Variants in NAGPA observed in about 807,000 individuals in gnomAD.
The protein encoded by NAGPA is alpha-N-acetylglucosaminyl phosphodiesterase.
NAGPA carries 56 observed loss-of-function variants against 48.5 expected under a neutral mutation model. That is an observed-to-expected ratio of 1.15 (90% CI 0.93 to 1.44). NAGPA has a LOEUF of 1.44. Among genes scored for constraint, NAGPA ranks in the 40% most tolerant of loss-of-function variants. The pLI, the probability that NAGPA is intolerant of heterozygous loss-of-function variation, is 0.00. For missense variants in NAGPA, 888 were observed against 735.0 expected (o/e 1.21, Z -2.41); for synonymous variants, 399 against 315.5 (o/e 1.26, Z -2.81).
Position 5,033,401 on chromosome 16 carries a change from G to A in NAGPA, c.414C>T (p.Gly138=), listed in dbSNP as rs778812818. The A allele has an allele frequency of 1.1e-5, 17 of 1,596,836 alleles. No individual in the cohort carries two copies. In the East Asian group the frequency reaches 3.6e-4, roughly 34 times the overall value. ...CGCCCGAGTTCATGCGGAAGAAGCC[G>A]CCGTTCTGGGCGACACGGCAGTCGG... ...RAADCRVAQN[G]GFFRMNSGEC... Residue 138 remains glycine, a synonymous_variant, in exon 2 of 10, where the codon GGC becomes GGT. Transcript: ENST00000312251. This position sits in a 1 kb window ranked among gnomAD's most constrained non-coding sequence, Gnocchi z 4.2.
chr16:5,028,349 C>T, intron 5 of NAGPA, 164 bp from the exon 6 acceptor site: 2 of 1,358,884 alleles, frequency 1.5e-6, no homozygotes, highest in South Asian at 2.5e-5. Context: ...ATCCTTCCAC[C>T]CGAGCCTCCT....
chr16:5,030,657 G>A, intron 3 of NAGPA, 164 bp from the exon 4 acceptor site: 6 of 685,154 alleles, frequency 8.8e-6, no homozygotes, highest in South Asian at 7.9e-5. Context: ...AGTCTCCCCA[G>A]GGCAGCCGGG....
At chr16:5,032,669 ACT>A (rs139270473) in intron 2 of NAGPA, among the ~76,000 whole-genome samples, 2,869 of 149,140 alleles carry the variant, frequency 0.019, 86 homozygotes, top group African/African-American at 0.067. Flanking sequence ...ACAGAGCAAG[ACT>A]CTGTCTCAAA....
At chr16:5,031,335 G>T (rs1956093269) in intron 3 of NAGPA, 2 of 277,426 alleles carry the variant, frequency 7.2e-6, no homozygotes, top group South Asian at 7.6e-5. Flanking sequence ...CACCATGGAG[G>T]CCCGTTAAAA....
intron 2 of NAGPA, among the ~76,000 whole-genome samples, chr16:5,032,267 C>A (rs988873504): frequency 6.6e-6 from 1 of 152,212 alleles, no homozygotes; most frequent in East Asian, 1.9e-4. Context: ...CTCTCTCCCA[C>A]CTGGTCCCAC....
Position 5,025,599 on chromosome 16 carries a change from G to A in NAGPA, c.1427C>T (p.Ala476Val). The A allele has an allele frequency of 1.2e-6, 2 of 1,613,962 alleles. No homozygotes were observed. The highest frequency in any genetic ancestry group is 8.5e-7 in the Non-Finnish European group (1 of 1,180,034). ...AANLSLLLSR[A>V]ERNRRLHGDY... Reference sequence around the variant, plus strand: ...CCCATGCAGGCGCCGGTTCCTCTCTGCTCTGGACAGGAGCAAGGACAGGTT... The same window carrying A: ...CCCATGCAGGCGCCGGTTCCTCTCTACTCTGGACAGGAGCAAGGACAGGTT... The change falls in exon 10 of 10, where the codon GCA (alanine) becomes GTA (valine). Residue 476 changes from alanine (A) to valine (V), a missense_variant. Physicochemically the swap from Ala to Val is moderately conservative, Grantham distance 64. Transcript: ENST00000312251.
At position 5,028,092 on chromosome 16, in the gene NAGPA, C is replaced by A; in HGVS notation, c.1014G>T (p.Gly338=). 2.5e-6 allele frequency: 4 copies of A among 1,613,046 alleles called. No homozygotes were observed. In the South Asian group the frequency reaches 4.4e-5, roughly 18 times the overall value. ...RCQPPDCHGH[G]TCVDGHCQCT... ...ATTGGCAGTGCCCGTCCACGCAGGT[C>A]CCGTGGCCGTGGCAGTCAGGCGGCT... The change falls in exon 6 of 10, where the codon GGG becomes GGT. Residue 338 remains glycine (G), a synonymous_variant. Transcript: ENST00000312251.
chr16:5,030,702 G>C, intron 3 of NAGPA: 1 of 622,886 alleles, frequency 1.6e-6, no homozygotes, highest in Non-Finnish European at 2.9e-6. Flanking sequence ...AGCTATGCCA[G>C]CCTCCAGGTG....
intron 5 of NAGPA, chr16:5,028,662 G>C: frequency 1.4e-6 from 1 of 693,536 alleles, no homozygotes; most frequent in Non-Finnish European, 2.5e-6. Context: ...TCAGATCTCA[G>C]TTCTTATTCT....
At chr16:5,028,393 GC>G (rs1567139355) in intron 5 of NAGPA, 1 of 978,052 alleles carries the variant, frequency 1.0e-6, no homozygotes, top group Non-Finnish European at 1.6e-6. Context: ...GCACCATCAC[GC>G]CTGCCTAATT....
chr16:5,029,617 G>C (rs1326588190), intron 4 of NAGPA: 1 of 163,880 alleles, frequency 6.1e-6, no homozygotes, highest in Non-Finnish European at 1.3e-5. Context: ...ATGAAACCCT[G>C]TGTCTACTAA....
chr16:5,030,137 C>A, intron 4 of NAGPA: 1 of 581,686 alleles, frequency 1.7e-6, no homozygotes, highest in Non-Finnish European at 3.1e-6. Flanking sequence ...CACTTTGTGA[C>A]CATTTCCTTG....
chr16:5,028,621 C>A (rs62036221), intron 5 of NAGPA: 158,209 of 574,822 alleles, frequency 0.28, 25,307 homozygotes, highest in Non-Finnish European at 0.32. Context: ...GCCCGGAAGG[C>A]TCTCCCACCC....
Position 5,025,357 on chromosome 16 carries a change from G to A in NAGPA, c.*121C>T, listed in dbSNP as rs1426283205. On this transcript the variant is annotated 3_prime_UTR_variant, in exon 10 of 10. Coordinates refer to ENST00000312251, the MANE Select transcript of NAGPA (RefSeq NM_016256.4). ...CACAAGTGCTATCAGGAACTTGGCT[G>A]CCCCACAGGGGCTGAGGACACCCAG... is the stretch of plus-strand genomic sequence containing the variant. 8.1e-7 allele frequency: 1 copy of A among 1,229,720 alleles called. No homozygotes were observed. The highest frequency in any genetic ancestry group is 1.1e-6 in the Non-Finnish European group (1 of 872,282). The allele number at this position is 1,229,720 out of a possible 1,614,324, so 76.2% of individuals were successfully genotyped here. A position where few individuals can be genotyped will look rare whatever the true frequency, so the allele number is the denominator to read the frequency against.
rs757657354 is a variant in NAGPA, at chr16:5,033,501, G to T, written c.314C>A (p.Ser105Ter). 2 of 1,556,468 alleles carry T rather than the reference G, an allele frequency of 1.3e-6. No individual in the cohort carries two copies. The highest frequency in any genetic ancestry group is 1.4e-5 in the African/African-American group (1 of 73,566). Residue 105 changes from serine to a stop codon, truncating the protein, a stop_gained, in exon 2 of 10, where the codon TCG becomes TAG. Coordinates refer to ENST00000312251, the MANE Select transcript of NAGPA (RefSeq NM_016256.4). LOFTEE classifies it high-confidence loss of function. The surrounding 1 kb of genome is among the most constrained non-coding windows in gnomAD (Gnocchi z 4.2). ...TRAVEPLRTF[S>*]VLEPGGPGGC... is the part of the protein sequence containing the mutation. ...GCCGGGTCCACCGGGCTCCAGCACC[G>T]AGAAGGTGCGCAGGGGCTCAACGGC...
In NAGPA at chr16:5,025,221, TCTC is replaced by T. The variant is rs1187639886; in HGVS notation, c.*254_*256del. The T allele has an allele frequency of 1.8e-6, 1 of 555,896 alleles. No individual in the cohort carries two copies. The highest frequency in any genetic ancestry group is 1.9e-5 in the African/African-American group (1 of 52,910). The allele number at this position is 555,896 out of a possible 1,614,324, so 34.4% of individuals were successfully genotyped here. A position where few individuals can be genotyped will look rare whatever the true frequency, so the allele number is the denominator to read the frequency against. On this transcript the variant is annotated 3_prime_UTR_variant, in exon 10 of 10. Coordinates refer to ENST00000312251, the MANE Select transcript of NAGPA (RefSeq NM_016256.4). ...GGCAGCCCTCCCGGGGGCACGGGCT[TCTC>T]GGCAGCAGACACAGGCAGGCCAGAA...
At chr16:5,026,880 C>G (rs993961614) in intron 9 of NAGPA, among the ~76,000 whole-genome samples, 26 of 152,210 alleles carry the variant, frequency 1.7e-4, no homozygotes, top group Admixed American at 1.7e-3. Flanking sequence ...CTCCTGCCCC[C>G]ACCCTGGGAT....
chr16:5,033,752 C>T lies in NAGPA; in HGVS notation c.87-24G>A. 1 of 1,596,434 alleles carries T rather than the reference C, an allele frequency of 6.3e-7. No homozygotes were observed. The highest frequency in any genetic ancestry group is 8.5e-7 in the Non-Finnish European group (1 of 1,173,024). On this transcript the variant is annotated intron_variant, in intron 1 of 9. Coordinates refer to ENST00000312251, the MANE Select transcript of NAGPA (RefSeq NM_016256.4). This position sits in a 1 kb window ranked among gnomAD's most constrained non-coding sequence, Gnocchi z 4.2. ...CCCTGCGGGGACGGGCGGCCGTGAG[C>T]TCAGGGGGCTGTCCTCGTGAGCTCG...
rs114140828 is a variant in NAGPA, at chr16:5,033,172, A to G, written c.542+101T>C. 1.5e-6 allele frequency: 2 copies of G among 1,355,312 alleles called. No homozygotes were observed. Among genetic ancestry groups the G allele is most frequent in the East Asian group, 2.6e-5 (1 of 39,130 alleles). 84.0% of individuals were successfully genotyped at this position (1,355,312 alleles called of 1,614,324 possible). On this transcript the variant is annotated intron_variant, in intron 2 of 9. Coordinates refer to ENST00000312251, the MANE Select transcript of NAGPA (RefSeq NM_016256.4). This position sits in a 1 kb window ranked among gnomAD's most constrained non-coding sequence, Gnocchi z 4.2. ...ATCCCCATTCTGCAGAGGAGGAAAC[A>G]GGGGCTCAGCTTGGTTAAGTGACTT... is the stretch of plus-strand genomic sequence containing the variant.
Sources: allele counts gnomAD v4.1 joint callset (sites outside exome capture counted in the v4.1 genomes callset), GRCh38; gene constraint gnomAD v4.1.1; non-coding constraint Gnocchi (gnomAD v3.1); transcripts MANE v1.5; gene names NCBI Gene and HGNC (gene_info 2026-07-23, HGNC 2026-07-21).